GRID2IP: variants seen among roughly 807,000 people sequenced by gnomAD.
GRID2IP encodes the protein delphilin.
Under a neutral mutation model 114.3 loss-of-function variants are expected in GRID2IP, and 78 were observed. The observed-to-expected ratio is 0.68, with a 90% CI of 0.57 to 0.82. The LOEUF (loss-of-function observed/expected upper bound fraction) is 0.82. Ranked by LOEUF, GRID2IP falls within the 40% of genes least tolerant of loss-of-function variation. The pLI, the probability that GRID2IP is intolerant of heterozygous loss-of-function variation, is 0.00. For missense variants in GRID2IP, 1,727 were observed against 1,678.5 expected (o/e 1.03, Z -0.51); for synonymous variants, 809 against 724.0 (o/e 1.12, Z -1.89).
intron 16 of GRID2IP, 45 bp from the exon 17 acceptor site, chr7:6,503,208 A>C: frequency 1.0e-6 from 1 of 953,190 alleles, no homozygotes; most frequent in Non-Finnish European, 1.4e-6. Context: ...CCTTCCTGGG[A>C]CCCTCTGCCC....
At chr7:6,497,928 A>G in intron 21 of GRID2IP, 83 bp from the exon 22 acceptor site, 2 of 1,408,456 alleles carry the variant, frequency 1.4e-6, no homozygotes, top group Non-Finnish European at 1.9e-6. Flanking sequence ...CACACTAGAC[A>G]GCCCATCAGG....
At chr7:6,535,032 T>C (rs570690256) in intron 2 of GRID2IP, among the ~76,000 whole-genome samples, 62 of 152,338 alleles carry the variant, frequency 4.1e-4, no homozygotes, top group African/African-American at 1.4e-3. Context: ...ATTACAGGCA[T>C]GCGCCACCAC....
chr7:6,517,167 G>T (rs1779323141), intron 7 of GRID2IP, among the ~76,000 whole-genome samples: 1 of 150,914 alleles, frequency 6.6e-6, no homozygotes, highest in Non-Finnish European at 1.5e-5. Context: ...CCATTCTCCT[G>T]CCTCAGCCTC....
rs754670186 is a variant in GRID2IP at position 6,521,842 on chromosome 7, G to T, written c.989+46C>A. 4.3e-6 allele frequency: 6 copies of T among 1,397,732 alleles called. No homozygotes were observed. The South Asian group carries it at 5.0e-5, about 12-fold the overall frequency. The allele number at this position is 1,397,732 out of a possible 1,614,324, so 86.6% of individuals were successfully genotyped here. On this transcript the variant is annotated intron_variant, in intron 5 of 21. Coordinates refer to ENST00000457091, the MANE Select transcript of GRID2IP (RefSeq NM_001145118.2). This position sits in a 1 kb window ranked among gnomAD's most constrained non-coding sequence, Gnocchi z 4.1. ...AAGAGGCAGGAGTCTTGCAGGGGGTGGGGGCAGCTCCTCACCAACCCCTGG... is the reference window on the plus strand; with the variant it reads ...AAGAGGCAGGAGTCTTGCAGGGGGTTGGGGCAGCTCCTCACCAACCCCTGG...
chr7:6,509,945 C>T lies in GRID2IP; in HGVS notation c.1771+338G>A, dbSNP rs1786718801. 6.6e-6 allele frequency among the ~76,000 whole-genome samples: 1 copy of T among 152,230 alleles called. No homozygotes were observed. The highest frequency in any genetic ancestry group is 1.5e-5 in the Non-Finnish European group (1 of 68,040). ...CTGGGCTCAAGTGATCCTCCCGCCT[C>T]AGCCTCTTGAGGAGTTGGGACTACA... On this transcript the variant is annotated intron_variant, in intron 11 of 21. Transcript: ENST00000457091. This position sits in a 1 kb window ranked among gnomAD's most constrained non-coding sequence, Gnocchi z 4.9.
At position 6,509,380 on chromosome 7, in the gene GRID2IP, G is replaced by C; in HGVS notation, c.1772-67C>G. 1 of 1,379,654 alleles carries C rather than the reference G, an allele frequency of 7.2e-7. No homozygotes were observed. The allele number at this position is 1,379,654 out of a possible 1,614,324, so 85.5% of individuals were successfully genotyped here. A position where few individuals can be genotyped will look rare whatever the true frequency, so the allele number is the denominator to read the frequency against. On this transcript the variant is annotated intron_variant, in intron 11 of 21. Transcript: ENST00000457091. This position sits in a 1 kb window ranked among gnomAD's most constrained non-coding sequence, Gnocchi z 4.9. ...ACCGAGGTTCCAGGTGCAAGCTGGA[G>C]AGAGGGTCCTAGGACAGACTGGCTC... is the stretch of plus-strand genomic sequence containing the variant.
Position 6,508,276 on chromosome 7 carries a change from T to TG in GRID2IP, c.2252dup (p.Pro752ThrfsTer15). On this transcript the variant is annotated frameshift_variant, in exon 13 of 22. Coordinates refer to ENST00000457091, the MANE Select transcript of GRID2IP (RefSeq NM_001145118.2). LOFTEE classifies it high-confidence loss of function. This position sits in a 1 kb window ranked among gnomAD's most constrained non-coding sequence, Gnocchi z 5.6. ...GCGGTGGTGGGGGGCTGAGCGGGGGTGGGGGGATGTGGTCAGAGATGGAGG... is the reference window on the plus strand; with the variant it reads ...GCGGTGGTGGGGGGCTGAGCGGGGGTGGGGGGGATGTGGTCAGAGATGGAGG... The TG allele has an allele frequency of 3.0e-6, 2 of 666,044 alleles. No individual in the cohort carries two copies. Among genetic ancestry groups the TG allele is most frequent in the South Asian group, 3.1e-5 (1 of 32,436 alleles). 41.3% of individuals were successfully genotyped at this position (666,044 alleles called of 1,614,324 possible). A position where few individuals can be genotyped will look rare whatever the true frequency, so the allele number is the denominator to read the frequency against.
In GRID2IP at chr7:6,508,822, T is replaced by G; in HGVS notation, c.2127+136A>C. ...ACCTGGGGCAAGGGGTGGGATAGCT[T>G]GAGCTAGGGAGTGGGATAGCCTGGG... On this transcript the variant is annotated intron_variant, in intron 12 of 21. Coordinates refer to ENST00000457091, the MANE Select transcript of GRID2IP (RefSeq NM_001145118.2). This position sits in a 1 kb window ranked among gnomAD's most constrained non-coding sequence, Gnocchi z 5.6. 2.1e-5 allele frequency: 29 copies of G among 1,351,156 alleles called. No individual in the cohort carries two copies. Among genetic ancestry groups the G allele is most frequent in the Non-Finnish European group, 2.7e-5 (28 of 1,021,028 alleles). 83.7% of individuals were successfully genotyped at this position (1,351,156 alleles called of 1,614,324 possible).
At chr7:6,510,738 A>G in intron 9 of GRID2IP, 32 bp from the exon 10 acceptor site, 1 of 1,536,332 alleles carries the variant, frequency 6.5e-7, no homozygotes, top group Non-Finnish European at 8.8e-7. Flanking sequence ...ACCGTATCTG[A>G]GCTCTACGGC....
intron 2 of GRID2IP, among the ~76,000 whole-genome samples, chr7:6,535,227 A>G (rs1287297616): frequency 3.1e-5 from 4 of 130,060 alleles, no homozygotes; most frequent in Admixed American, 1.5e-4. Context: ...GCGAGGTTTC[A>G]CCATGTTGGC....
At chr7:6,531,088 C>G (rs573192875) in intron 2 of GRID2IP, 3 of 587,126 alleles carry the variant, frequency 5.1e-6, no homozygotes, top group South Asian at 3.9e-5. Context: ...GAGAGAAGCC[C>G]TGGTCCTTCC....
Position 6,536,074 on chromosome 7 carries a change from C to T in GRID2IP, c.584+3644G>A, listed in dbSNP as rs1199663646. Among the ~76,000 whole-genome samples the T allele has an allele frequency of 1.3e-5, 2 of 152,238 alleles. No individual in the cohort carries two copies. The highest frequency in any genetic ancestry group is 2.9e-5 in the Non-Finnish European group (2 of 68,052). On this transcript the variant is annotated intron_variant, in intron 2 of 21. Coordinates refer to ENST00000457091, the MANE Select transcript of GRID2IP (RefSeq NM_001145118.2). This position sits in a 1 kb window ranked among gnomAD's most constrained non-coding sequence, Gnocchi z 5.3. ...GTGGCTTCTCCATGCCCCCTCTGAC[C>T]TCTCTCCAGATGGGGCTGCCCAGAG...
rs1232516691 is a variant in GRID2IP at position 6,528,782 on chromosome 7, T to C, written c.585-2013A>G. Among the ~76,000 whole-genome samples the C allele has an allele frequency of 7.2e-5, 11 of 151,796 alleles. No homozygotes were observed. The East Asian group carries it at 2.1e-3, about 30-fold the overall frequency. The stretch of plus-strand genomic sequence containing the variant: ...GCTCTGTCCCCGCAGTGAGCTCCGC[T>C]CCAGGTCTCGATGGTCCGGGGGGTA... On this transcript the variant is annotated intron_variant, in intron 2 of 21. Coordinates refer to ENST00000457091, the MANE Select transcript of GRID2IP (RefSeq NM_001145118.2). The surrounding 1 kb of genome is among the most constrained non-coding windows in gnomAD (Gnocchi z 6.0).
intron 7 of GRID2IP, among the ~76,000 whole-genome samples, chr7:6,515,432 GC>G (rs1562516986): frequency 6.7e-6 from 1 of 148,566 alleles, no homozygotes. Flanking sequence ...CTGCACTCCA[GC>G]CTGGGTGACA....
Position 6,534,547 on chromosome 7 carries a change from G to A in GRID2IP, c.584+5171C>T, listed in dbSNP as rs1314754382. Among the ~76,000 whole-genome samples the A allele has an allele frequency of 6.6e-6, 1 of 152,164 alleles. No homozygotes were observed. The highest frequency in any genetic ancestry group is 1.5e-5 in the Non-Finnish European group (1 of 68,036). Reference sequence around the variant, plus strand: ...ACCCATCTCACCCTTTACAGCAGCAGCGCTGTCCAAGGGAACGTTCTGTGA... The same window carrying A: ...ACCCATCTCACCCTTTACAGCAGCAACGCTGTCCAAGGGAACGTTCTGTGA... On this transcript the variant is annotated intron_variant, in intron 2 of 21. Coordinates refer to ENST00000457091, the MANE Select transcript of GRID2IP (RefSeq NM_001145118.2). This position sits in a 1 kb window ranked among gnomAD's most constrained non-coding sequence, Gnocchi z 4.5.
At position 6,509,145 on chromosome 7, in the gene GRID2IP, G is replaced by A; in HGVS notation, c.1940C>T (p.Pro647Leu). 6.8e-7 allele frequency: 1 copy of A among 1,470,774 alleles called. No homozygotes were observed. 91.1% of individuals were successfully genotyped at this position (1,470,774 alleles called of 1,614,324 possible). A position where few individuals can be genotyped will look rare whatever the true frequency, so the allele number is the denominator to read the frequency against. The change falls in exon 12 of 22, where the codon CCC becomes CTC. Residue 647 changes from proline (P) to leucine (L), a missense_variant. Pro to Leu is a moderately conservative substitution (Grantham distance 98). Coordinates refer to ENST00000457091, the MANE Select transcript of GRID2IP (RefSeq NM_001145118.2). The surrounding 1 kb of genome is among the most constrained non-coding windows in gnomAD (Gnocchi z 4.9). ...RAPSPQPGPGPICPDSPPSPD... is the reference protein window; with the variant it reads ...RAPSPQPGPGLICPDSPPSPD... Reference sequence around the variant, plus strand: ...GCTTGGGGGGCTGTCGGGGCAGATGGGCCCGGGGCCTGGCTGTGGGGAGGG... The same window carrying A: ...GCTTGGGGGGCTGTCGGGGCAGATGAGCCCGGGGCCTGGCTGTGGGGAGGG...
At chr7:6,545,012 G>A (rs1000285418) in intron 1 of GRID2IP, among the ~76,000 whole-genome samples, 2 of 152,138 alleles carry the variant, frequency 1.3e-5, no homozygotes, top group African/African-American at 4.8e-5. Flanking sequence ...GTGTGAACCC[G>A]GGAGGCGGAG....
intron 13 of GRID2IP, 87 bp from the exon 14 acceptor site, chr7:6,505,994 A>G (rs1375031227): frequency 5.9e-6 from 5 of 850,018 alleles, no homozygotes; most frequent in Middle Eastern, 6.5e-4. Flanking sequence ...GGGCTGCCAT[A>G]GGGGCTTCCC....
chr7:6,545,846 C>T (rs75046124), intron 1 of GRID2IP, among the ~76,000 whole-genome samples: 7,085 of 152,212 alleles, frequency 0.047, 209 homozygotes, highest in Non-Finnish European at 0.065. Flanking sequence ...ACCAGCCGCC[C>T]CCTCCCCACG....
Sources: allele counts gnomAD v4.1 joint callset (sites outside exome capture counted in the v4.1 genomes callset), GRCh38; gene constraint gnomAD v4.1.1; non-coding constraint Gnocchi (gnomAD v3.1); transcripts MANE v1.5; gene names NCBI Gene and HGNC (gene_info 2026-07-23, HGNC 2026-07-21).